The following DOCK1 variants were observed in gnomAD, a reference collection of about 807,000 sequenced individuals.
The protein encoded by DOCK1 is dedicator of cytokinesis 1, also known as dedicator of cytokinesis protein 1.
Under a neutral mutation model 262.7 loss-of-function variants are expected in DOCK1, and 138 were observed. The ratio of observed to expected loss-of-function variants is 0.53; its 90% confidence interval spans 0.46 to 0.61. The LOEUF (loss-of-function observed/expected upper bound fraction) is 0.61, where lower values mean the gene tolerates loss of function less well. Among genes scored for constraint, DOCK1 ranks in the 20% least tolerant of loss-of-function variants. The pLI is 0.00. For missense variants in DOCK1, 1,908 were observed against 2,370.7 expected, an observed-to-expected ratio of 0.80 and a Z score of 4.05; for synonymous variants, 866 against 867.4, an observed-to-expected ratio of 1.00 and a Z score of 0.03.
intron 18 of DOCK1, among the ~76,000 whole-genome samples, chr10:127,032,668 C>T (rs2043321616): frequency 6.6e-6 from 1 of 152,214 alleles, no homozygotes; most frequent in African/African-American, 2.4e-5. Flanking sequence ...ATCCTCCCAC[C>T]TCAGCTTCCC....
intron 1 of DOCK1, among the ~76,000 whole-genome samples, chr10:126,939,716 C>T (rs1382195533): frequency 2.0e-5 from 3 of 152,158 alleles, no homozygotes; most frequent in Non-Finnish European, 4.4e-5. Flanking sequence ...CGAGTCGTCA[C>T]GAGACCAGTG....
At chr10:127,329,949 C>T (rs1246058919) in intron 29 of DOCK1, among the ~76,000 whole-genome samples, 2 of 152,116 alleles carry the variant, frequency 1.3e-5, no homozygotes, top group African/African-American at 4.8e-5. Context: ...GATTTCCAGA[C>T]TGGTTTATCC....
At chr10:127,263,566 CT>C (rs1452465258) in intron 29 of DOCK1, among the ~76,000 whole-genome samples, 1 of 152,156 alleles carries the variant, frequency 6.6e-6, no homozygotes, top group African/African-American at 2.4e-5. Flanking sequence ...TAGAAGTGTG[CT>C]TTTGTGCTAG....
chr10:127,339,930 T>C (rs2766069), intron 30 of DOCK1, among the ~76,000 whole-genome samples: 11,640 of 152,196 alleles, frequency 0.076, 1,441 homozygotes, highest in African/African-American at 0.26. Flanking sequence ...GTTTATTTCC[T>C]GGGCAAGATG....
chr10:127,250,058 C>A (rs1034168068), intron 28 of DOCK1, among the ~76,000 whole-genome samples: 2 of 152,114 alleles, frequency 1.3e-5, no homozygotes, highest in Non-Finnish European at 2.9e-5. Context: ...TACACCCGAC[C>A]CCCTGCTTTG....
chr10:127,293,610 C>T (rs1045641588), intron 29 of DOCK1, among the ~76,000 whole-genome samples: 5 of 152,154 alleles, frequency 3.3e-5, no homozygotes, highest in African/African-American at 7.2e-5. Flanking sequence ...GTTGGCAGCT[C>T]ATCCTCTTCC....
chr10:126,960,302 C>T (rs1380725661), intron 1 of DOCK1, among the ~76,000 whole-genome samples: 1 of 151,830 alleles, frequency 6.6e-6, no homozygotes, highest in African/African-American at 2.4e-5. Context: ...GGGTCACCAG[C>T]CATGTGGTAT....
At chr10:127,072,445 A>G in intron 23 of DOCK1, among the ~76,000 whole-genome samples, 1 of 152,238 alleles carries the variant, frequency 6.6e-6, no homozygotes, top group East Asian at 1.9e-4. Flanking sequence ...AGCAAATCAC[A>G]GACATAAAAT....
intron 17 of DOCK1, 110 bp downstream of exon 17, chr10:127,031,863 C>T (rs1003639688): frequency 1.6e-5 from 16 of 1,021,512 alleles, no homozygotes; most frequent in Non-Finnish European, 2.3e-5. Flanking sequence ...TGCTATCTAG[C>T]TACATTTAAT....
intron 27 of DOCK1, among the ~76,000 whole-genome samples, chr10:127,237,382 A>C (rs1343441527): frequency 2.0e-5 from 3 of 148,572 alleles, no homozygotes; most frequent in Non-Finnish European, 4.5e-5. Flanking sequence ...AAAAAAAGAC[A>C]AAGAGTATTA....
intron 1 of DOCK1, among the ~76,000 whole-genome samples, chr10:126,933,757 C>G: frequency 6.6e-6 from 1 of 152,214 alleles, no homozygotes; most frequent in Non-Finnish European, 1.5e-5. Context: ...GCTGAGGGGC[C>G]ATTTGAACCT....
intron 24 of DOCK1, among the ~76,000 whole-genome samples, chr10:127,107,707 C>T (rs1018050803): frequency 4.6e-5 from 7 of 152,142 alleles, no homozygotes; most frequent in Non-Finnish European, 8.8e-5. Context: ...CACAGTGGGG[C>T]CTGGTCATTT....
intron 36 of DOCK1, among the ~76,000 whole-genome samples, chr10:127,380,936 T>C (rs1451886172): frequency 6.6e-6 from 1 of 152,226 alleles, no homozygotes; most frequent in Non-Finnish European, 1.5e-5. Flanking sequence ...TTTATTCTGA[T>C]GGATTTGTAT....
At chr10:127,311,328 G>A (rs919090497) in intron 29 of DOCK1, among the ~76,000 whole-genome samples, 1 of 152,052 alleles carries the variant, frequency 6.6e-6, no homozygotes, top group Non-Finnish European at 1.5e-5. Flanking sequence ...CTGTAGAAGG[G>A]ACCTGCAGAA....
chr10:127,244,898 G>C (rs1186881998), intron 27 of DOCK1, among the ~76,000 whole-genome samples: 1 of 152,150 alleles, frequency 6.6e-6, no homozygotes, highest in Non-Finnish European at 1.5e-5. Context: ...GCTTCATTTA[G>C]GAGTCATCTC....
At chr10:126,978,487 A>T (rs1202740308) in intron 3 of DOCK1, among the ~76,000 whole-genome samples, 1 of 152,102 alleles carries the variant, frequency 6.6e-6, no homozygotes, top group Non-Finnish European at 1.5e-5. Context: ...TGGTTGTTTG[A>T]ATTTCTGAAA....
At chr10:127,070,594 C>T (rs993621906) in intron 23 of DOCK1, among the ~76,000 whole-genome samples, 36 of 151,784 alleles carry the variant, frequency 2.4e-4, no homozygotes, top group Admixed American at 3.9e-4. Context: ...CCACGGTAGA[C>T]GTCATCGTGG....
At chr10:127,061,640 C>T (rs770315459) in intron 22 of DOCK1, 28 bp from the exon 23 acceptor site, 23 of 1,556,784 alleles carry the variant, frequency 1.5e-5, no homozygotes, top group Non-Finnish European at 1.1e-5. Flanking sequence ...TTCTGCCAGG[C>T]CCCCACAGTT....
chr10:127,429,091 C>T (rs188777278), intron 47 of DOCK1, among the ~76,000 whole-genome samples: 4 of 150,836 alleles, frequency 2.7e-5, no homozygotes, highest in Non-Finnish European at 4.4e-5. Flanking sequence ...GATTGGGGTG[C>T]CGTGTGGATT....
Sources: allele counts gnomAD v4.1 joint callset (sites outside exome capture counted in the v4.1 genomes callset), GRCh38; gene constraint gnomAD v4.1.1; transcripts MANE v1.5; gene names NCBI Gene and HGNC (gene_info 2026-07-23, HGNC 2026-07-21).